Variants in NBEA observed in about 807,000 individuals in gnomAD.
NBEA encodes the protein lysosomal-trafficking regulator 2.
Under a neutral mutation model 343.4 loss-of-function variants are expected in NBEA, and 44 were observed. That is an observed-to-expected ratio of 0.13 (90% CI 0.10 to 0.16). The LOEUF (loss-of-function observed/expected upper bound fraction) is 0.16, where lower values mean the gene tolerates loss of function less well. Ranked by LOEUF, NBEA falls within the 10% of genes least tolerant of loss-of-function variation. NBEA has a pLI of 1.00. For missense variants in NBEA, 2,555 were observed against 3,631.3 expected (o/e 0.70, Z 7.62); for synonymous variants, 1,175 against 1,238.7 (o/e 0.95, Z 1.08).
chr13:35,064,215 A>G (rs907909537), intron 8 of NBEA, among the ~76,000 whole-genome samples: 1 of 152,010 alleles, frequency 6.6e-6, no homozygotes, highest in Non-Finnish European at 1.5e-5. Context: ...AAGTGAGTTC[A>G]GAGAAAAAGA....
chr13:35,032,810 G>T (rs1048632318), intron 1 of NBEA, among the ~76,000 whole-genome samples: 3 of 151,658 alleles, frequency 2.0e-5, no homozygotes, highest in African/African-American at 7.3e-5. Flanking sequence ...CTTCTTTTGA[G>T]AAATTGCTAT....
intron 7 of NBEA, 34 bp from the exon 8 acceptor site, chr13:35,058,683 A>G (rs1163568145): frequency 1.3e-6 from 2 of 1,523,768 alleles, no homozygotes; most frequent in Non-Finnish European, 1.8e-6. Context: ...GTCATTAAAA[A>G]TAATGCATTT....
chr13:35,067,730 A>G (rs764771720), intron 8 of NBEA, among the ~76,000 whole-genome samples: 13 of 152,020 alleles, frequency 8.6e-5, no homozygotes, highest in Admixed American at 3.3e-4. Flanking sequence ...TATGTAAAAT[A>G]TTTTCTTTAA....
At chr13:35,321,689 C>CA (rs1425043193) in intron 36 of NBEA, among the ~76,000 whole-genome samples, 14 of 151,620 alleles carry the variant, frequency 9.2e-5, no homozygotes, top group Admixed American at 9.2e-4. Flanking sequence ...GCTGAAGCTG[C>CA]ACCCACAGCC....
chr13:35,501,476 T>C (rs1346229808), intron 41 of NBEA, among the ~76,000 whole-genome samples: 1 of 151,394 alleles, frequency 6.6e-6, no homozygotes, highest in Admixed American at 6.6e-5. Flanking sequence ...GTAAATGTCT[T>C]CTTGTTATTT....
Position 35,007,698 on chromosome 13 carries a change from G to T in NBEA, c.295-33235G>T, listed in dbSNP as rs115026980. 6.0e-3 allele frequency among the ~76,000 whole-genome samples: 910 copies of T among 152,178 alleles called. 8 individuals carry two copies. Among genetic ancestry groups the T allele is most frequent in the African/African-American group, 0.021 (870 of 41,516 alleles). Reference sequence around the variant, plus strand: ...GGTGGAGATGGGGCTTTACCCTGTTGCCCAGGCTGGTCTGGAACTGCTGAG... The same window carrying T: ...GGTGGAGATGGGGCTTTACCCTGTTTCCCAGGCTGGTCTGGAACTGCTGAG... On this transcript the variant is annotated intron_variant, in intron 1 of 58. Coordinates refer to ENST00000379939, the MANE Select transcript of NBEA (RefSeq NM_001385012.1).
intron 38 of NBEA, among the ~76,000 whole-genome samples, chr13:35,391,244 C>T (rs1333456932): frequency 1.3e-5 from 2 of 149,760 alleles, no homozygotes; most frequent in Non-Finnish European, 3.0e-5. Flanking sequence ...CACTGCATTC[C>T]AGCCTGGGTG....
chr13:35,290,369 T>G lies in NBEA; in HGVS notation c.5777-20T>G. The G allele has an allele frequency of 6.4e-7, 1 of 1,559,844 alleles. No homozygotes were observed. Among genetic ancestry groups the G allele is most frequent in the Non-Finnish European group, 8.8e-7 (1 of 1,134,846 alleles). On this transcript the variant is annotated intron_variant, in intron 34 of 58. Coordinates refer to ENST00000379939, the MANE Select transcript of NBEA (RefSeq NM_001385012.1). The stretch of plus-strand genomic sequence containing the variant: ...TCTGCCATTGTAATTTCATTTTGTT[T>G]TAACCTTTCTTTGTTGTAGGCCTTG...
chr13:35,534,582 T>G (rs1288691022), intron 41 of NBEA, among the ~76,000 whole-genome samples: 1 of 152,200 alleles, frequency 6.6e-6, no homozygotes, highest in Non-Finnish European at 1.5e-5. Context: ...CTGGACAGCC[T>G]CTTGCCTGTA....
chr13:35,269,660 T>C (rs2033975531), intron 34 of NBEA, among the ~76,000 whole-genome samples: 1 of 152,086 alleles, frequency 6.6e-6, no homozygotes, highest in Non-Finnish European at 1.5e-5. Context: ...AGACCATTCG[T>C]TGGAGAAATT....
intron 13 of NBEA, among the ~76,000 whole-genome samples, chr13:35,112,799 TGATTC>T (rs1271211577): frequency 6.6e-6 from 1 of 152,170 alleles, no homozygotes; most frequent in Non-Finnish European, 1.5e-5. Context: ...ATTTTTTTTC[TGATTC>T]GATTGGTAAT....
Position 35,667,821 on chromosome 13 carries a change from G to C in NBEA, c.8661+251G>C, listed in dbSNP as rs1203581178. The stretch of plus-strand genomic sequence containing the variant: ...TTGATTAAAGCTTAGAACCTCGGGA[G>C]GGTTTTTAAAGCTCCTTTTATAATT... On this transcript the variant is annotated intron_variant, in intron 57 of 58. Transcript: ENST00000379939. 2.0e-5 allele frequency among the ~76,000 whole-genome samples: 3 copies of C among 152,254 alleles called. No individual in the cohort carries two copies. In the East Asian group the frequency reaches 5.8e-4, roughly 29 times the overall value.
chr13:35,449,955 CTA>C (rs2046223822), intron 39 of NBEA, among the ~76,000 whole-genome samples: 1 of 152,176 alleles, frequency 6.6e-6, no homozygotes, highest in Admixed American at 6.5e-5. Context: ...GGATGACAGA[CTA>C]TACCTCTTAG....
intron 36 of NBEA, among the ~76,000 whole-genome samples, chr13:35,313,492 A>G (rs139450669): frequency 6.4e-4 from 97 of 152,320 alleles, no homozygotes; most frequent in Admixed American, 2.2e-3. Flanking sequence ...TGGAATGTTT[A>G]AGGAAGAATG....
intron 56 of NBEA, among the ~76,000 whole-genome samples, chr13:35,667,173 G>T (rs534619187): frequency 6.6e-6 from 1 of 152,212 alleles, no homozygotes; most frequent in Non-Finnish European, 1.5e-5. Flanking sequence ...AGCGTGCGGC[G>T]TAGGAGTGTG....
At chr13:35,261,926 TA>T (rs1249200616) in intron 34 of NBEA, among the ~76,000 whole-genome samples, 1 of 152,150 alleles carries the variant, frequency 6.6e-6, no homozygotes, top group Non-Finnish European at 1.5e-5. Flanking sequence ...GTAACATAAG[TA>T]AAGTGTTTAA....
At chr13:35,229,886 A>G (rs537092520) in intron 33 of NBEA, among the ~76,000 whole-genome samples, 3 of 152,260 alleles carry the variant, frequency 2.0e-5, no homozygotes, top group Non-Finnish European at 4.4e-5. Flanking sequence ...AGCAACAACA[A>G]CAAAAGCTTT....
At chr13:35,142,415 A>G in intron 18 of NBEA, 38 bp downstream of exon 18, 1 of 1,469,036 alleles carries the variant, frequency 6.8e-7, no homozygotes, top group Non-Finnish European at 9.5e-7. Context: ...TTTTAAGTGT[A>G]TACAGTGGAA....
In NBEA at chr13:34,942,484, G is replaced by A; in HGVS notation, c.-337G>A. 1.2e-5 allele frequency: 2 copies of A among 173,120 alleles called. No homozygotes were observed. The highest frequency in any genetic ancestry group is 6.3e-5 in the Admixed American group (1 of 15,754). The allele number at this position is 173,120 out of a possible 1,614,324, so 10.7% of individuals were successfully genotyped here. On this transcript the variant is annotated 5_prime_UTR_variant, in exon 1 of 59. Coordinates refer to ENST00000379939, the MANE Select transcript of NBEA (RefSeq NM_001385012.1). ...GCAGCATCTCCGCGGGGGGCGGGCCGGGCCGGACAGACCGGGAGAGGGAGA... is the reference window on the plus strand; with the variant it reads ...GCAGCATCTCCGCGGGGGGCGGGCCAGGCCGGACAGACCGGGAGAGGGAGA...
Sources: allele counts gnomAD v4.1 joint callset (sites outside exome capture counted in the v4.1 genomes callset), GRCh38; gene constraint gnomAD v4.1.1; transcripts MANE v1.5; gene names NCBI Gene and HGNC (gene_info 2026-07-23, HGNC 2026-07-21).